GRIK2: variants seen among roughly 807,000 people sequenced by gnomAD.
GRIK2 encodes the protein glutamate ionotropic receptor kainate type subunit 2, also known as glutamate receptor ionotropic, kainate 2.
In GRIK2, 32 loss-of-function variants were observed where a neutral mutation model predicts 100.3. That is an observed-to-expected ratio of 0.32 (90% confidence interval 0.24 to 0.43). GRIK2 has a LOEUF of 0.43. Ranked by LOEUF, GRIK2 falls within the 20% of genes least tolerant of loss-of-function variation. The pLI is 1.00. For synonymous variants in GRIK2, 417 were observed against 389.4 expected (o/e 1.07, Z -0.83); for missense variants, 843 against 1,114.9 (o/e 0.76, Z 3.47).
intron 10 of GRIK2, among the ~76,000 whole-genome samples, chr6:101,831,682 T>C (rs1782705465): frequency 6.6e-6 from 1 of 152,174 alleles, no homozygotes; most frequent in African/African-American, 2.4e-5. Flanking sequence ...TGGTCATTTC[T>C]TGTGACTGTG....
intron 2 of GRIK2, among the ~76,000 whole-genome samples, chr6:101,512,307 A>G (rs1774362862): frequency 6.6e-6 from 1 of 152,016 alleles, no homozygotes; most frequent in Non-Finnish European, 1.5e-5. Context: ...GAAATAGGTA[A>G]TGCAATTGAG....
chr6:101,520,028 A>G (rs940008055), intron 2 of GRIK2, among the ~76,000 whole-genome samples: 2 of 152,132 alleles, frequency 1.3e-5, no homozygotes, highest in Non-Finnish European at 2.9e-5. Flanking sequence ...TAAGACATTG[A>G]CTGGAAGACA....
chr6:101,982,608 A>G (rs1426074769), intron 14 of GRIK2, among the ~76,000 whole-genome samples: 1 of 151,478 alleles, frequency 6.6e-6, no homozygotes, highest in South Asian at 2.1e-4. Flanking sequence ...AACAACAACA[A>G]CAAAACATCT....
At chr6:101,666,343 G>C (rs980070583) in intron 4 of GRIK2, among the ~76,000 whole-genome samples, 36 of 152,248 alleles carry the variant, frequency 2.4e-4, no homozygotes, top group African/African-American at 7.7e-4. Flanking sequence ...ATGTAGTATT[G>C]CCAACTAGGC....
intron 14 of GRIK2, among the ~76,000 whole-genome samples, chr6:102,026,297 G>A (rs1054814216): frequency 6.7e-6 from 1 of 150,306 alleles, no homozygotes; most frequent in Non-Finnish European, 1.5e-5. Flanking sequence ...CTTTAGATGA[G>A]TTTTCTCATT....
At chr6:101,807,633 T>C (rs941728448) in intron 9 of GRIK2, among the ~76,000 whole-genome samples, 2 of 151,234 alleles carry the variant, frequency 1.3e-5, no homozygotes, top group Non-Finnish European at 3.0e-5. Flanking sequence ...GAAACTGGAG[T>C]TGGTCTAACA....
At chr6:101,818,140 C>T (rs1163594651) in intron 9 of GRIK2, among the ~76,000 whole-genome samples, 2 of 152,146 alleles carry the variant, frequency 1.3e-5, no homozygotes, top group Non-Finnish European at 2.9e-5. Context: ...ATTAAGCTCC[C>T]ACACTGACTG....
intron 9 of GRIK2, among the ~76,000 whole-genome samples, chr6:101,815,791 T>C (rs551140790): frequency 6.6e-6 from 1 of 152,308 alleles, no homozygotes; most frequent in South Asian, 2.1e-4. Context: ...AATCATGTAG[T>C]TGACAATCTA....
chr6:101,454,035 G>A (rs1289891507), intron 2 of GRIK2, among the ~76,000 whole-genome samples: 1 of 152,012 alleles, frequency 6.6e-6, no homozygotes, highest in Non-Finnish European at 1.5e-5. Context: ...AGAAGGAGAA[G>A]CTGAATTCAC....
At chr6:101,616,961 T>A (rs998253897) in intron 2 of GRIK2, among the ~76,000 whole-genome samples, 4 of 151,716 alleles carry the variant, frequency 2.6e-5, no homozygotes, top group Admixed American at 2.0e-4. Context: ...CTAGTTTTTT[T>A]ATTGAATATA....
intron 16 of GRIK2, chr6:102,065,773 T>A (rs1443056515): frequency 6.9e-7 from 1 of 1,459,080 alleles, no homozygotes; most frequent in Admixed American, 2.1e-5. Flanking sequence ...ATCTAATTAA[T>A]TCTTCTGTTA....
chr6:101,962,026 A>G (rs1792335735), intron 14 of GRIK2, among the ~76,000 whole-genome samples: 1 of 152,130 alleles, frequency 6.6e-6, no homozygotes, highest in South Asian at 2.1e-4. Flanking sequence ...AACACAACCC[A>G]CAGCAGTACT....
intron 2 of GRIK2, among the ~76,000 whole-genome samples, chr6:101,601,301 AT>A (rs1779202385): frequency 6.6e-6 from 1 of 151,808 alleles, no homozygotes; most frequent in Non-Finnish European, 1.5e-5. Context: ...AGCATGGTGA[AT>A]TAACTTTTTG....
chr6:102,052,282 C>T (rs1771240815), intron 15 of GRIK2, among the ~76,000 whole-genome samples: 1 of 152,118 alleles, frequency 6.6e-6, no homozygotes, highest in African/African-American at 2.4e-5. Flanking sequence ...ACAAGTAAAA[C>T]ATGTCATTGA....
At chr6:101,483,581 A>T (rs1314926018) in intron 2 of GRIK2, among the ~76,000 whole-genome samples, 1 of 151,696 alleles carries the variant, frequency 6.6e-6, no homozygotes. Flanking sequence ...TTATTTATTT[A>T]TGTATTTATT....
intron 2 of GRIK2, among the ~76,000 whole-genome samples, chr6:101,403,788 G>T (rs187053696): frequency 6.6e-6 from 1 of 152,176 alleles, no homozygotes; most frequent in African/African-American, 2.4e-5. Flanking sequence ...AGGCGGGGAT[G>T]GGGGAGTAAT....
chr6:101,533,277 T>A (rs1775530495), intron 2 of GRIK2, among the ~76,000 whole-genome samples: 1 of 151,848 alleles, frequency 6.6e-6, no homozygotes. Context: ...TTGGATTAAG[T>A]TTACCTGACT....
chr6:101,682,615 T>G lies in GRIK2; in HGVS notation c.777+9T>G. 1 of 1,112,942 alleles carries G rather than the reference T, an allele frequency of 9.0e-7. No homozygotes were observed. The highest frequency in any genetic ancestry group is 1.3e-6 in the Non-Finnish European group (1 of 745,778). 68.9% of individuals were successfully genotyped at this position (1,112,942 alleles called of 1,614,324 possible). A position where few individuals can be genotyped will look rare whatever the true frequency, so the allele number is the denominator to read the frequency against. On this transcript the variant is annotated intron_variant, in intron 6 of 16. Coordinates refer to ENST00000369134, the MANE Select transcript of GRIK2 (RefSeq NM_021956.5). ...ATATCTTTACCACTCTGGTAAGTAC[T>G]TCATTAAAACAAAATGTTCTGAATT...
chr6:101,885,829 A>G (rs2128455700), intron 11 of GRIK2, among the ~76,000 whole-genome samples: 1 of 152,082 alleles, frequency 6.6e-6, no homozygotes, highest in South Asian at 2.1e-4. Flanking sequence ...CTCCCTTTCC[A>G]TTTCCATACA....
Sources: allele counts gnomAD v4.1 joint callset (sites outside exome capture counted in the v4.1 genomes callset), GRCh38; gene constraint gnomAD v4.1.1; transcripts MANE v1.5; gene names NCBI Gene and HGNC (gene_info 2026-07-23, HGNC 2026-07-21).